The following CWC27 variants were observed in gnomAD, a reference collection of about 807,000 sequenced individuals.
CWC27 encodes CWC27 spliceosome associated cyclophilin.
A neutral mutation model predicts 63.6 loss-of-function variants in CWC27; 47 were observed. The ratio of observed to expected loss-of-function variants is 0.74; its 90% confidence interval spans 0.58 to 0.94. The LOEUF (loss-of-function observed/expected upper bound fraction) is 0.94. Ranked by LOEUF, CWC27 falls within the 40% of genes least tolerant of loss-of-function variation. The pLI, the probability that CWC27 is intolerant of heterozygous loss-of-function variation, is 0.00. For missense variants in CWC27, 495 were observed against 554.3 expected (o/e 0.89, Z 1.07); for synonymous variants, 175 against 179.8 (o/e 0.97, Z 0.22).
intron 7 of CWC27, among the ~76,000 whole-genome samples, chr5:64,799,447 G>A (rs9765478): frequency 0.38 from 57,620 of 150,716 alleles, 11,976 homozygotes; most frequent in African/African-American, 0.54. Context: ...TTAGCTGGGC[G>A]TGGTGGCGCA....
chr5:64,976,254 G>A (rs948296958), intron 12 of CWC27, among the ~76,000 whole-genome samples: 1 of 151,660 alleles, frequency 6.6e-6, no homozygotes, highest in African/African-American at 2.4e-5. Flanking sequence ...TTTTTCTATC[G>A]TCCCAGGATA....
At chr5:64,846,867 A>C (rs904320778) in intron 10 of CWC27, among the ~76,000 whole-genome samples, 1 of 151,446 alleles carries the variant, frequency 6.6e-6, no homozygotes, top group African/African-American at 2.4e-5. Context: ...GGTGGCATGC[A>C]CCTGTAATCC....
intron 11 of CWC27, among the ~76,000 whole-genome samples, chr5:64,938,674 C>G (rs1455125502): frequency 6.6e-6 from 1 of 152,172 alleles, no homozygotes; most frequent in Non-Finnish European, 1.5e-5. Context: ...TGGGGAAGTT[C>G]TCCTGGATAA....
intron 4 of CWC27, among the ~76,000 whole-genome samples, chr5:64,784,908 G>A (rs2112168451): frequency 6.6e-6 from 1 of 152,256 alleles, no homozygotes; most frequent in Non-Finnish European, 1.5e-5. Context: ...GTAATAAAAT[G>A]AGATTTAAGT....
Position 64,969,355 on chromosome 5 carries a change from C to T in CWC27, c.1043-2348C>T, listed in dbSNP as rs1165897010. Reference sequence around the variant, plus strand: ...ACCATAAAAACATTAAACAGTTCTACTGATACCCATCACAATTTTCCTTAG... The same window carrying T: ...ACCATAAAAACATTAAACAGTTCTATTGATACCCATCACAATTTTCCTTAG... On this transcript the variant is annotated intron_variant, in intron 11 of 13. Coordinates refer to ENST00000381070, the MANE Select transcript of CWC27 (RefSeq NM_005869.4). Among the ~76,000 whole-genome samples, 5 of 152,274 alleles carry T rather than the reference C, an allele frequency of 3.3e-5. No homozygotes were observed. The East Asian group carries it at 9.6e-4, about 29-fold the overall frequency.
chr5:64,810,332 G>A (rs1231711246), intron 10 of CWC27, among the ~76,000 whole-genome samples: 1 of 152,038 alleles, frequency 6.6e-6, no homozygotes, highest in Non-Finnish European at 1.5e-5. Context: ...AGAGCGTGAT[G>A]CCTCCCACTT....
chr5:64,940,431 C>G (rs942721943), intron 11 of CWC27, among the ~76,000 whole-genome samples: 2 of 152,166 alleles, frequency 1.3e-5, no homozygotes, highest in Admixed American at 6.5e-5. Context: ...GCTCACCCTC[C>G]GTGGGCTGCA....
intron 8 of CWC27, 113 bp downstream of exon 8, chr5:64,800,440 G>A: frequency 1.6e-6 from 1 of 608,462 alleles, no homozygotes; most frequent in South Asian, 2.9e-5. Context: ...TTTTAAGCCA[G>A]CCAAAAAAAT....
chr5:64,774,666 A>T (rs749607358), intron 1 of CWC27, 25 bp from the exon 2 acceptor site: 2 of 1,354,960 alleles, frequency 1.5e-6, no homozygotes, highest in South Asian at 2.8e-5. Context: ...TAATAATTTA[A>T]TAAAATGTAA....
chr5:64,776,728 A>G (rs1743470001), intron 2 of CWC27, among the ~76,000 whole-genome samples: 1 of 152,146 alleles, frequency 6.6e-6, no homozygotes, highest in Non-Finnish European at 1.5e-5. Flanking sequence ...TCTATGATTT[A>G]GACGAGTCAT....
intron 10 of CWC27, among the ~76,000 whole-genome samples, chr5:64,846,993 C>CAAAAAA (rs35090437): frequency 1.5e-4 from 13 of 86,102 alleles, no homozygotes; most frequent in Non-Finnish European, 2.0e-4. Context: ...GACTCCATCT[C>CAAAAAA]AAAAAAAAAA....
In CWC27 at chr5:64,891,771, T is replaced by TTTGTTGTTGTTGTTG. The variant is rs56101875; in HGVS notation, c.1042+6255_1042+6269dup. 2.0e-3 allele frequency among the ~76,000 whole-genome samples: 290 copies of TTTGTTGTTGTTGTTG among 147,744 alleles called. 2 individuals are homozygous for TTTGTTGTTGTTGTTG. Among genetic ancestry groups the TTTGTTGTTGTTGTTG allele is most frequent in the Admixed American group, 3.2e-3 (47 of 14,724 alleles). On this transcript the variant is annotated intron_variant, in intron 11 of 13. Transcript: ENST00000381070. Reference sequence around the variant, plus strand: ...GACCTCCTAGTGTTGCTTGGGATACTTTGTTGTTGTTGTTGTTGTTGTTGT... The same window carrying TTTGTTGTTGTTGTTG: ...GACCTCCTAGTGTTGCTTGGGATACTTTGTTGTTGTTGTTGTTGTTGTTGTTGTTGTTGTTGTTGT...
At chr5:64,829,818 A>G (rs1302047609) in intron 10 of CWC27, among the ~76,000 whole-genome samples, 1 of 145,090 alleles carries the variant, frequency 6.9e-6, no homozygotes, top group Non-Finnish European at 1.5e-5. Flanking sequence ...TACAGGCCCC[A>G]TTGTGTGATG....
At chr5:64,912,073 CA>C (rs1253684440) in intron 11 of CWC27, among the ~76,000 whole-genome samples, 127 of 83,512 alleles carry the variant, frequency 1.5e-3, no homozygotes, top group Middle Eastern at 7.6e-3. Context: ...GACTCTGTCT[CA>C]AAAAAAAAAA....
At chr5:64,840,383 AAAAAAAAAAAAATATATATATAT>A (rs1282950281) in intron 10 of CWC27, among the ~76,000 whole-genome samples, 2 of 72,060 alleles carry the variant, frequency 2.8e-5, no homozygotes, top group African/African-American at 6.4e-5. Flanking sequence ...AAAAAAAAAA[AAAAAAAAAAAAATATATATATAT>A]ATATATATAT....
intron 10 of CWC27, among the ~76,000 whole-genome samples, chr5:64,811,205 A>G (rs1267115485): frequency 6.6e-6 from 1 of 152,030 alleles, no homozygotes; most frequent in African/African-American, 2.4e-5. Flanking sequence ...GCTTATTGTA[A>G]AGAATCCTTT....
At chr5:64,968,755 T>C (rs530976027) in intron 11 of CWC27, among the ~76,000 whole-genome samples, 2 of 152,312 alleles carry the variant, frequency 1.3e-5, no homozygotes, top group South Asian at 4.1e-4. Context: ...TAGATCTTGA[T>C]TGCAGTGGAA....
rs139589196 is a variant in CWC27, at chr5:64,801,425, G to A, written c.780+93G>A. ...CTTAATTTTGTTCTTAAAAAGTAAC[G>A]TATATTACTTTTATAGTTATATATG... is the stretch of plus-strand genomic sequence containing the variant. On this transcript the variant is annotated intron_variant, in intron 9 of 13. Transcript: ENST00000381070. The A allele has an allele frequency of 5.8e-4, 581 of 1,006,246 alleles. 9 individuals are homozygous for A. In the African/African-American group the frequency reaches 8.7e-3, roughly 15 times the overall value. The allele number at this position is 1,006,246 out of a possible 1,614,324, so 62.3% of individuals were successfully genotyped here.
chr5:64,776,490 A>G (rs142077420), intron 2 of CWC27, among the ~76,000 whole-genome samples: 1 of 152,248 alleles, frequency 6.6e-6, no homozygotes, highest in African/African-American at 2.4e-5. Context: ...TCCCCTATTT[A>G]TAATAATGCA....
Sources: allele counts gnomAD v4.1 joint callset (sites outside exome capture counted in the v4.1 genomes callset), GRCh38; gene constraint gnomAD v4.1.1; transcripts MANE v1.5; gene names NCBI Gene and HGNC (gene_info 2026-07-23, HGNC 2026-07-21).